LMBR1: variants seen among roughly 807,000 people sequenced by gnomAD.
LMBR1 encodes limb region 1 protein homolog.
In LMBR1, 52 loss-of-function variants were observed where a neutral mutation model predicts 73.9. The ratio of observed to expected loss-of-function variants is 0.70; its 90% CI spans 0.56 to 0.89. The LOEUF is 0.89. Ranked by LOEUF, LMBR1 falls within the 40% of genes least tolerant of loss-of-function variation. The pLI is 0.00. For missense variants in LMBR1, 539 were observed against 579.8 expected (o/e 0.93, Z 0.72); for synonymous variants, 215 against 209.4 (o/e 1.03, Z -0.23).
chr7:156,746,446 C>T (rs775723917), intron 9 of LMBR1, among the ~76,000 whole-genome samples: 14 of 152,106 alleles, frequency 9.2e-5, no homozygotes, highest in Non-Finnish European at 1.8e-4. Flanking sequence ...GTTTACAGAG[C>T]TCAATACAAA....
intron 5 of LMBR1, among the ~76,000 whole-genome samples, chr7:156,786,582 T>C (rs1423865311): frequency 6.6e-6 from 1 of 152,200 alleles, no homozygotes. Context: ...ATATTATTCA[T>C]CCCAACTTTG....
At chr7:156,824,583 G>A (rs1835343735) in intron 4 of LMBR1, among the ~76,000 whole-genome samples, 1 of 152,092 alleles carries the variant, frequency 6.6e-6, no homozygotes, top group Admixed American at 6.6e-5. Flanking sequence ...TTGGCAACAT[G>A]TCTAGTCCCG....
chr7:156,873,229 C>A (rs527972530), intron 1 of LMBR1, among the ~76,000 whole-genome samples: 1 of 151,710 alleles, frequency 6.6e-6, no homozygotes, highest in South Asian at 2.1e-4. Context: ...GTCTCGCTGG[C>A]TCAGGAGTGA....
At chr7:156,761,284 A>T (rs1212695984) in intron 8 of LMBR1, among the ~76,000 whole-genome samples, 1 of 152,226 alleles carries the variant, frequency 6.6e-6, no homozygotes, top group African/African-American at 2.4e-5. Context: ...GGCAGCTAAG[A>T]AATCGTTTTT....
intron 1 of LMBR1, among the ~76,000 whole-genome samples, chr7:156,860,137 T>G (rs1342447705): frequency 3.3e-5 from 5 of 152,172 alleles, no homozygotes; most frequent in Admixed American, 3.3e-4. Context: ...CAAAATAGAT[T>G]GTATTAGTCT....
chr7:156,892,396 G>A (rs1260942220), intron 1 of LMBR1: 2 of 152,210 alleles, frequency 1.3e-5, no homozygotes, highest in African/African-American at 4.8e-5. Context: ...GGCGGGCTCC[G>A]CGCAGCCCGG....
At chr7:156,706,876 T>A (rs1811046460) in intron 15 of LMBR1, among the ~76,000 whole-genome samples, 1 of 143,246 alleles carries the variant, frequency 7.0e-6, no homozygotes, top group Non-Finnish European at 1.5e-5. Context: ...ATAACAAAGA[T>A]CAGAGCAGAA....
rs866647334 is a variant in LMBR1 at position 156,814,689 on chromosome 7, G to C, written c.319+11916C>G. Among the ~76,000 whole-genome samples the C allele has an allele frequency of 3.9e-5, 6 of 152,328 alleles. No individual in the cohort carries two copies. In the East Asian group the frequency reaches 1.2e-3, roughly 29 times the overall value. The stretch of plus-strand genomic sequence containing the variant: ...ACTTTACGTCTAACAGCCTGGATTT[G>C]CACCTATCACAAATACGTGACCTTG... On this transcript the variant is annotated intron_variant, in intron 4 of 16. Coordinates refer to ENST00000353442, the MANE Select transcript of LMBR1 (RefSeq NM_022458.4).
intron 5 of LMBR1, among the ~76,000 whole-genome samples, chr7:156,788,785 C>T (rs887796696): frequency 2.0e-5 from 3 of 152,288 alleles, no homozygotes; most frequent in East Asian, 1.9e-4. Flanking sequence ...CAATGGCTCA[C>T]GCCTGTAATC....
In LMBR1 at chr7:156,685,389, G is replaced by A. The variant is rs111253642; in HGVS notation, c.1388-1226C>T. Among the ~76,000 whole-genome samples the A allele has an allele frequency of 0.024, 3,627 of 152,286 alleles. 143 individuals carry two copies. Among genetic ancestry groups the A allele is most frequent in the African/African-American group, 0.083 (3,451 of 41,548 alleles). ...AACAGGAATGCATTCTGAGAAATGC[G>A]CTGTCGAGCGATTCTGTCGCTGTGA... On this transcript the variant is annotated intron_variant, in intron 16 of 16. Coordinates refer to ENST00000353442, the MANE Select transcript of LMBR1 (RefSeq NM_022458.4). This position sits in a 1 kb window ranked among gnomAD's most constrained non-coding sequence, Gnocchi z 4.1.
chr7:156,771,145 T>C (rs904772383), intron 5 of LMBR1, among the ~76,000 whole-genome samples: 4 of 151,518 alleles, frequency 2.6e-5, no homozygotes, highest in African/African-American at 7.3e-5. Flanking sequence ...TGTCAATAAA[T>C]GGGAAAACAA....
At chr7:156,715,610 T>A (rs1292253618) in intron 15 of LMBR1, among the ~76,000 whole-genome samples, 1 of 152,216 alleles carries the variant, frequency 6.6e-6, no homozygotes, top group Non-Finnish European at 1.5e-5. Flanking sequence ...AAAAAATGAA[T>A]AATCTATACT....
intron 4 of LMBR1, among the ~76,000 whole-genome samples, chr7:156,812,186 T>G (rs1833204292): frequency 6.6e-6 from 1 of 152,140 alleles, no homozygotes; most frequent in Non-Finnish European, 1.5e-5. Flanking sequence ...CCTCAGTACA[T>G]ATGGCAAAAA....
intron 8 of LMBR1, among the ~76,000 whole-genome samples, chr7:156,759,455 A>G (rs1446715565): frequency 1.3e-5 from 2 of 152,222 alleles, no homozygotes; most frequent in Non-Finnish European, 2.9e-5. Context: ...CAAGCTACTT[A>G]ATCTTCCTGA....
intron 1 of LMBR1, among the ~76,000 whole-genome samples, chr7:156,870,042 A>G (rs577159217): frequency 3.3e-5 from 5 of 152,358 alleles, no homozygotes; most frequent in African/African-American, 1.2e-4. Flanking sequence ...CATGCAACCA[A>G]CATCAGAGTA....
intron 1 of LMBR1, among the ~76,000 whole-genome samples, chr7:156,889,187 T>A (rs1385555916): frequency 6.6e-6 from 1 of 152,158 alleles, no homozygotes; most frequent in Non-Finnish European, 1.5e-5. Context: ...AATAGTCAGA[T>A]TCATATAGGC....
chr7:156,749,150 T>G (rs1027222957), intron 9 of LMBR1, among the ~76,000 whole-genome samples: 20 of 152,300 alleles, frequency 1.3e-4, no homozygotes, highest in African/African-American at 4.1e-4. Flanking sequence ...TATTCTCCCT[T>G]CAGTGACGTA....
chr7:156,826,942 A>T (rs1343964906), intron 3 of LMBR1, among the ~76,000 whole-genome samples, 198 bp from the exon 4 acceptor site: 1 of 152,194 alleles, frequency 6.6e-6, no homozygotes, highest in African/African-American at 2.4e-5. Context: ...AAAACTCCTT[A>T]CTCTATGAAA....
chr7:156,804,108 C>T (rs755359185), intron 4 of LMBR1, among the ~76,000 whole-genome samples: 7 of 151,864 alleles, frequency 4.6e-5, no homozygotes, highest in Admixed American at 2.6e-4. Flanking sequence ...CAAGCCTGCA[C>T]GTTGTGCACA....
Sources: allele counts gnomAD v4.1 joint callset (sites outside exome capture counted in the v4.1 genomes callset), GRCh38; gene constraint gnomAD v4.1.1; non-coding constraint Gnocchi (gnomAD v3.1); transcripts MANE v1.5; gene names NCBI Gene and HGNC (gene_info 2026-07-23, HGNC 2026-07-21).